Variants in NGEF observed in about 807,000 individuals in gnomAD.
NGEF encodes neuronal guanine nucleotide exchange factor, also known as ephexin-1.
In NGEF, 31 loss-of-function variants were observed where a neutral mutation model predicts 80.9. The ratio of observed to expected loss-of-function variants is 0.38; its 90% CI spans 0.29 to 0.52. The LOEUF (loss-of-function observed/expected upper bound fraction) is 0.52. NGEF is among the 20% of genes least tolerant of loss of function. The pLI, the probability that NGEF is intolerant of heterozygous loss-of-function variation, is 0.84. For synonymous variants in NGEF, 371 were observed against 370.2 expected, an observed-to-expected ratio of 1.00 and a Z score of -0.03; for missense variants, 709 against 926.2, an observed-to-expected ratio of 0.77 and a Z score of 3.04.
At chr2:232,953,119 T>C (rs1300420868) in intron 3 of NGEF, among the ~76,000 whole-genome samples, 1 of 151,004 alleles carries the variant, frequency 6.6e-6, no homozygotes, top group Non-Finnish European at 1.5e-5. Context: ...CTGACCAAGA[T>C]GGTGAAACCC....
In NGEF at chr2:232,892,291, T is replaced by C. The variant is rs1209944492; in HGVS notation, c.1142+607A>G. ...AGGCGCAATGTGCAGACGCCACAAC[T>C]GGAAAACTCCCTGGGTGCTTCTGTG... On this transcript the variant is annotated intron_variant, in intron 7 of 14. Transcript: ENST00000264051. This position sits in a 1 kb window ranked among gnomAD's most constrained non-coding sequence, Gnocchi z 4.0. Among the ~76,000 whole-genome samples the C allele has an allele frequency of 6.6e-6, 1 of 152,174 alleles. No homozygotes were observed. Among genetic ancestry groups the C allele is most frequent in the African/African-American group, 2.4e-5 (1 of 41,434 alleles).
intron 4 of NGEF, among the ~76,000 whole-genome samples, chr2:232,922,218 C>G (rs1010342668): frequency 3.9e-5 from 6 of 152,162 alleles, no homozygotes; most frequent in Non-Finnish European, 8.8e-5. Flanking sequence ...CCTTCTTTAT[C>G]TAATTGTTAA....
intron 5 of NGEF, among the ~76,000 whole-genome samples, chr2:232,909,502 T>C (rs1343763387): frequency 2.0e-5 from 3 of 152,230 alleles, no homozygotes; most frequent in Non-Finnish European, 4.4e-5. Context: ...GGGGTAACAC[T>C]TATTTTGTTA....
chr2:232,907,971 G>T (rs911691368), intron 5 of NGEF, among the ~76,000 whole-genome samples: 1 of 152,040 alleles, frequency 6.6e-6, no homozygotes, highest in Non-Finnish European at 1.5e-5. Context: ...TTAGCCAGGT[G>T]TTGTGGTGGG....
chr2:232,927,508 G>A (rs1693100550), intron 3 of NGEF, among the ~76,000 whole-genome samples: 1 of 152,168 alleles, frequency 6.6e-6, no homozygotes, highest in African/African-American at 2.4e-5. Flanking sequence ...ACAGCCCGAC[G>A]GGTCCCGCGG....
Position 232,939,992 on chromosome 2 carries a change from A to G in NGEF, c.384-12806T>C, listed in dbSNP as rs1693406162. Among the ~76,000 whole-genome samples, 5 of 141,038 alleles carry G rather than the reference A, an allele frequency of 3.5e-5. No individual in the cohort carries two copies. The South Asian group carries it at 1.1e-3, about 31-fold the overall frequency. The allele number at this position is 141,038 out of a possible 152,430, so 92.5% of individuals were successfully genotyped here. ...AGCCCGAGCGACAGAGTGGGACTCC[A>G]TCTTAAAAAAAAAAAAAAAATTTGA... is the stretch of plus-strand genomic sequence containing the variant. On this transcript the variant is annotated intron_variant, in intron 3 of 14. Coordinates refer to ENST00000264051, the MANE Select transcript of NGEF (RefSeq NM_019850.3).
chr2:232,927,953 T>C (rs1375835032), intron 3 of NGEF: 2 of 1,313,510 alleles, frequency 1.5e-6, no homozygotes, highest in Non-Finnish European at 1.9e-6. Flanking sequence ...GGAACTGTCG[T>C]GGTCCACGGC....
intron 5 of NGEF, among the ~76,000 whole-genome samples, chr2:232,903,224 C>T (rs1356296358): frequency 6.6e-6 from 1 of 151,734 alleles, no homozygotes; most frequent in Non-Finnish European, 1.5e-5. Flanking sequence ...GATGTTCAAT[C>T]TTCCATGAGT....
chr2:232,886,027 C>T (rs1272701586), intron 9 of NGEF, among the ~76,000 whole-genome samples: 1 of 148,618 alleles, frequency 6.7e-6, no homozygotes, highest in South Asian at 2.1e-4. Context: ...CACCTGCACT[C>T]GAATGCGGGG....
chr2:232,953,547 A>G (rs1693729803), intron 3 of NGEF, among the ~76,000 whole-genome samples: 2 of 151,436 alleles, frequency 1.3e-5, no homozygotes, highest in Non-Finnish European at 2.9e-5. Flanking sequence ...ATTGTTGATG[A>G]CACTGATATA....
At chr2:232,887,841 G>C (rs2250660) in intron 9 of NGEF, among the ~76,000 whole-genome samples, 192 bp downstream of exon 9, 61,973 of 152,128 alleles carry the variant, frequency 0.41, 14,524 homozygotes, top group Admixed American at 0.51. Context: ...GGTAAAGAAG[G>C]CTCTCTACCC....
intron 1 of NGEF, among the ~76,000 whole-genome samples, chr2:232,977,442 G>A (rs912909123): frequency 2.0e-5 from 3 of 152,212 alleles, no homozygotes; most frequent in African/African-American, 7.2e-5. Flanking sequence ...TGTCACTGGA[G>A]CTGTCCAGAT....
chr2:232,882,891 G>T (rs1174907806), intron 12 of NGEF, among the ~76,000 whole-genome samples: 1 of 152,180 alleles, frequency 6.6e-6, no homozygotes, highest in Non-Finnish European at 1.5e-5. Context: ...TGCAGGGCAG[G>T]GGTCCCAGCT....
chr2:232,913,078 T>C (rs1692721898), intron 5 of NGEF, among the ~76,000 whole-genome samples: 1 of 152,224 alleles, frequency 6.6e-6, no homozygotes, highest in African/African-American at 2.4e-5. Flanking sequence ...AGTTTCTTAA[T>C]ATGAAAGCTT....
intron 1 of NGEF, among the ~76,000 whole-genome samples, chr2:232,977,015 G>C (rs546356996): frequency 6.6e-6 from 1 of 152,178 alleles, no homozygotes; most frequent in African/African-American, 2.4e-5. Flanking sequence ...GGGAGTGCCT[G>C]GGAGGAAGAT....
intron 3 of NGEF, among the ~76,000 whole-genome samples, chr2:232,957,163 AC>A (rs1693848381): frequency 6.6e-6 from 1 of 152,168 alleles, no homozygotes; most frequent in Non-Finnish European, 1.5e-5. Context: ...AGCTAGAATA[AC>A]CAAAATAAGG....
At chr2:232,943,320 G>C (rs1693477307) in intron 3 of NGEF, among the ~76,000 whole-genome samples, 1 of 152,062 alleles carries the variant, frequency 6.6e-6, no homozygotes, top group Non-Finnish European at 1.5e-5. Flanking sequence ...GAGAAAAAGA[G>C]AGCCGTCTCC....
At chr2:232,995,666 G>A (rs1289667023) in intron 1 of NGEF, among the ~76,000 whole-genome samples, 1 of 76,232 alleles carries the variant, frequency 1.3e-5, no homozygotes, top group Non-Finnish European at 2.4e-5. Flanking sequence ...GTATTATAGT[G>A]TATATATGTA....
At chr2:232,882,139 G>A (rs755457790) in intron 13 of NGEF, 47 bp downstream of exon 13, 35 of 1,563,812 alleles carry the variant, frequency 2.2e-5, no homozygotes, top group Non-Finnish European at 2.7e-5. Flanking sequence ...CATCCGGCAG[G>A]GCCAGCCCAA....
Sources: gnomAD v4.1 joint callset for allele counts (sites outside exome capture counted in the v4.1 genomes callset) on GRCh38, gnomAD v4.1.1 for gene constraint, Gnocchi (gnomAD v3.1) non-coding constraint, MANE v1.5 for transcripts, NCBI Gene and HGNC (gene_info 2026-07-23, HGNC 2026-07-21) for gene names.